HNF4G: variants seen among roughly 807,000 people sequenced by gnomAD.
HNF4G encodes the protein hepatocyte nuclear factor 4-gamma.
HNF4G carries 21 observed loss-of-function variants against 50.9 expected under a neutral mutation model. The ratio of observed to expected loss-of-function variants is 0.41; its 90% CI spans 0.29 to 0.59. The LOEUF is 0.59. Among genes scored for constraint, HNF4G ranks in the 20% least tolerant of loss-of-function variants. The pLI is 0.26. For missense variants in HNF4G, 527 were observed against 559.4 expected, an observed-to-expected ratio of 0.94 and a Z score of 0.58; for synonymous variants, 198 against 185.6, an observed-to-expected ratio of 1.07 and a Z score of -0.54.
intron 1 of HNF4G, among the ~76,000 whole-genome samples, chr8:75,543,455 C>A (rs975234839): frequency 6.6e-6 from 1 of 152,092 alleles, no homozygotes; most frequent in African/African-American, 2.4e-5. Flanking sequence ...TGAAGTTCTT[C>A]AATAGGTGCT....
intron 2 of HNF4G, among the ~76,000 whole-genome samples, chr8:75,501,651 C>T (rs1585899969): frequency 1.3e-5 from 2 of 152,162 alleles, no homozygotes; most frequent in South Asian, 2.1e-4. Flanking sequence ...ACCAACTTCA[C>T]ATATTATGCC....
At chr8:75,554,532 G>A (rs74954366) in intron 5 of HNF4G, among the ~76,000 whole-genome samples, 4,556 of 152,044 alleles carry the variant, frequency 0.03, 103 homozygotes, top group Middle Eastern at 0.045. Context: ...TCAGGAGCTC[G>A]GTGACAGGTG....
At chr8:75,409,279 C>G (rs1456394074) in intron 1 of HNF4G, among the ~76,000 whole-genome samples, 3 of 152,046 alleles carry the variant, frequency 2.0e-5, no homozygotes, top group Non-Finnish European at 2.9e-5. Context: ...TATGGGCCCA[C>G]AAATAAGGAC....
At chr8:75,542,847 A>G (rs1406964979) in intron 1 of HNF4G, among the ~76,000 whole-genome samples, 2 of 152,174 alleles carry the variant, frequency 1.3e-5, no homozygotes, top group African/African-American at 4.8e-5. Context: ...AGGAAAGATG[A>G]TGGTTGATTG....
intron 1 of HNF4G, among the ~76,000 whole-genome samples, chr8:75,485,188 T>C (rs1812472379): frequency 6.6e-6 from 1 of 152,122 alleles, no homozygotes; most frequent in Non-Finnish European, 1.5e-5. Flanking sequence ...CTGGTTCTTA[T>C]TTTTTTCACA....
At chr8:75,528,781 CT>C (rs11432899) in intron 2 of HNF4G, among the ~76,000 whole-genome samples, 6 of 151,882 alleles carry the variant, frequency 4.0e-5, no homozygotes, top group African/African-American at 1.5e-4. Flanking sequence ...TAAACTTCTA[CT>C]TTTTTCATGT....
intron 2 of HNF4G, among the ~76,000 whole-genome samples, chr8:75,534,284 A>G (rs1806403629): frequency 6.6e-6 from 1 of 151,956 alleles, no homozygotes; most frequent in South Asian, 2.1e-4. Context: ...CCTTACCAGT[A>G]TAATCTACAT....
chr8:75,562,679 G>A (rs1285927195), intron 9 of HNF4G, among the ~76,000 whole-genome samples: 2 of 152,114 alleles, frequency 1.3e-5, no homozygotes, highest in African/African-American at 4.8e-5. Context: ...AAACATATTT[G>A]CTGACCCTAG....
intron 1 of HNF4G, among the ~76,000 whole-genome samples, chr8:75,426,232 C>G (rs1810888123): frequency 1.3e-5 from 2 of 152,166 alleles, no homozygotes; most frequent in Admixed American, 1.3e-4. Context: ...GCTGTAAGCA[C>G]CCTTCACTTC....
chr8:75,473,969 A>C (rs1812182355), intron 1 of HNF4G, among the ~76,000 whole-genome samples: 1 of 152,190 alleles, frequency 6.6e-6, no homozygotes, highest in Non-Finnish European at 1.5e-5. Flanking sequence ...CAAAACAAAG[A>C]AAGCATTAAG....
chr8:75,483,356 T>A (rs904514477), intron 1 of HNF4G, among the ~76,000 whole-genome samples: 4 of 152,160 alleles, frequency 2.6e-5, no homozygotes, highest in Non-Finnish European at 5.9e-5. Flanking sequence ...GCCCAGGGCA[T>A]GACTGCATTT....
chr8:75,508,215 C>T (rs1253244183), intron 2 of HNF4G, among the ~76,000 whole-genome samples: 1 of 152,064 alleles, frequency 6.6e-6, no homozygotes, highest in African/African-American at 2.4e-5. Flanking sequence ...GCCGGGAGCT[C>T]CTTTCCTCTA....
rs147203194 is a variant in HNF4G at position 75,563,738 on chromosome 8, T to A, written c.1247-237T>A. Among the ~76,000 whole-genome samples, 403 of 150,800 alleles carry A rather than the reference T, an allele frequency of 2.7e-3. 1 individual carries two copies. Among genetic ancestry groups the A allele is most frequent in the African/African-American group, 8.8e-3 (363 of 41,378 alleles). On this transcript the variant is annotated intron_variant, in intron 9 of 9. Transcript: ENST00000396423. ...GGCAGAAAACACCTTAAAGTAACTA[T>A]GAAAAAAATTTTTTAACATGACCTC...
chr8:75,538,105 A>G (rs1472922137), upstream of HNF4G, among the ~76,000 whole-genome samples: 1 of 152,168 alleles, frequency 6.6e-6, no homozygotes, highest in Non-Finnish European at 1.5e-5. Context: ...TATGCTTGCT[A>G]TTCAAATCTA....
At chr8:75,520,379 T>C (rs1806006852) in intron 2 of HNF4G, among the ~76,000 whole-genome samples, 1 of 152,160 alleles carries the variant, frequency 6.6e-6, no homozygotes, top group Non-Finnish European at 1.5e-5. Flanking sequence ...CTATATTACT[T>C]TGTAAATTTT....
chr8:75,521,923 T>C (rs1019117345), intron 2 of HNF4G, among the ~76,000 whole-genome samples: 2 of 152,152 alleles, frequency 1.3e-5, no homozygotes, highest in Non-Finnish European at 2.9e-5. Flanking sequence ...GATTTTTGGG[T>C]TTATTATGAT....
chr8:75,511,683 C>T (rs1166032004), intron 2 of HNF4G, among the ~76,000 whole-genome samples: 6 of 152,200 alleles, frequency 3.9e-5, no homozygotes, highest in African/African-American at 7.2e-5. Context: ...CTCTGCCTCC[C>T]GGGTTCACGC....
intron 1 of HNF4G, among the ~76,000 whole-genome samples, chr8:75,479,612 T>A (rs1812325174): frequency 6.6e-6 from 1 of 151,582 alleles, no homozygotes; most frequent in Admixed American, 6.6e-5. Context: ...GTCTCTTATA[T>A]AAAGAAATAG....
chr8:75,454,685 T>A (rs1022263583), intron 1 of HNF4G, among the ~76,000 whole-genome samples: 1 of 152,166 alleles, frequency 6.6e-6, no homozygotes, highest in Non-Finnish European at 1.5e-5. Context: ...AGTGGCCTTC[T>A]TAATTAGCCT....
Sources: allele counts gnomAD v4.1 joint callset (sites outside exome capture counted in the v4.1 genomes callset), GRCh38; gene constraint gnomAD v4.1.1; transcripts MANE v1.5; gene names NCBI Gene and HGNC (gene_info 2026-07-23, HGNC 2026-07-21).